MRPS35: variants seen among roughly 807,000 people sequenced by gnomAD.
MRPS35 encodes mitochondrial ribosomal protein S35.
MRPS35 carries 29 observed loss-of-function variants against 32.7 expected under a neutral mutation model. That is an observed-to-expected ratio of 0.89 (90% CI 0.66 to 1.21). MRPS35 has a LOEUF of 1.21. MRPS35 is among the 50% of genes most tolerant of loss of function. The pLI is 0.00. For synonymous variants in MRPS35, 148 were observed against 139.3 expected (o/e 1.06, Z -0.44); for missense variants, 373 against 383.8 (o/e 0.97, Z 0.23).
chr12:27,746,056 T>G (rs2061981184), intron 7 of MRPS35, among the ~76,000 whole-genome samples: 1 of 152,188 alleles, frequency 6.6e-6, no homozygotes, highest in Non-Finnish European at 1.5e-5. Context: ...AGCAGCATGA[T>G]TTATGTGGAA....
At chr12:27,742,383 A>AC (rs1272037841) in intron 7 of MRPS35, among the ~76,000 whole-genome samples, 1 of 151,890 alleles carries the variant, frequency 6.6e-6, no homozygotes, top group Non-Finnish European at 1.5e-5. Flanking sequence ...AAAATGAATG[A>AC]CCCCCTGCCT....
chr12:27,743,811 A>G (rs1271382757), intron 7 of MRPS35, among the ~76,000 whole-genome samples: 1 of 152,182 alleles, frequency 6.6e-6, no homozygotes, highest in East Asian at 1.9e-4. Flanking sequence ...GCATGGTTGC[A>G]TTAGGGTAAG....
chr12:27,715,693 G>T (rs558033798), intron 2 of MRPS35, among the ~76,000 whole-genome samples: 1 of 152,150 alleles, frequency 6.6e-6, no homozygotes, highest in Non-Finnish European at 1.5e-5. Flanking sequence ...TTGCGTAGGC[G>T]GGGCATGGCT....
intron 5 of MRPS35, among the ~76,000 whole-genome samples, chr12:27,728,272 C>G (rs76072019): frequency 0.044 from 6,667 of 152,148 alleles, 229 homozygotes; most frequent in Non-Finnish European, 0.074. Flanking sequence ...ACCAAATTCT[C>G]TTTTTTAAAT....
At chr12:27,751,988 C>A (rs2140786009) in intron 7 of MRPS35, among the ~76,000 whole-genome samples, 1 of 152,106 alleles carries the variant, frequency 6.6e-6, no homozygotes. Context: ...CCCTGTAATC[C>A]CAGCACCTTG....
chr12:27,723,965 A>G, intron 4 of MRPS35, 82 bp from the exon 5 acceptor site: 4 of 1,353,186 alleles, frequency 3.0e-6, no homozygotes, highest in African/African-American at 1.5e-5. Flanking sequence ...TGCTCTCAGT[A>G]ATTTGGTATT....
At chr12:27,752,839 A>G (rs1224162435) in intron 7 of MRPS35, 1 of 152,142 alleles carries the variant, frequency 6.6e-6, no homozygotes, top group Non-Finnish European at 1.5e-5. Context: ...TATTTGCAGC[A>G]GAGTTGTGGG....
chr12:27,718,094 A>G (rs1294284874), intron 3 of MRPS35, among the ~76,000 whole-genome samples: 1 of 152,160 alleles, frequency 6.6e-6, no homozygotes, highest in Non-Finnish European at 1.5e-5. Context: ...CCCATCCCCA[A>G]ATCCCAGTTT....
chr12:27,714,767 C>T lies in MRPS35; in HGVS notation c.113-13C>T. On this transcript the variant is annotated splice_polypyrimidine_tract_variant and intron_variant, in intron 1 of 7. Transcript: ENST00000081029. ...AAATTCTCTTTAACTACTGTGTTAT[C>T]TTTTACGTACAGCGGAAAGAACACC... The T allele has an allele frequency of 6.2e-7, 1 of 1,602,718 alleles. No individual in the cohort carries two copies. The highest frequency in any genetic ancestry group is 8.5e-7 in the Non-Finnish European group (1 of 1,171,578).
At chr12:27,738,650 C>T (rs2061951728) in intron 7 of MRPS35, among the ~76,000 whole-genome samples, 1 of 151,938 alleles carries the variant, frequency 6.6e-6, no homozygotes, top group Non-Finnish European at 1.5e-5. Flanking sequence ...GTGCCTTACC[C>T]AACACAGGGG....
chr12:27,752,175 A>C (rs1300801970), intron 7 of MRPS35, among the ~76,000 whole-genome samples: 1 of 152,146 alleles, frequency 6.6e-6, no homozygotes, highest in Non-Finnish European at 1.5e-5. Context: ...TCCTTTGAGC[A>C]CAGGAGTTGA....
At chr12:27,746,836 A>T (rs747152753) in intron 7 of MRPS35, among the ~76,000 whole-genome samples, 4 of 152,204 alleles carry the variant, frequency 2.6e-5, no homozygotes, top group Non-Finnish European at 5.9e-5. Flanking sequence ...GCTTTTAAAT[A>T]TCAGTTAAAG....
At chr12:27,735,840 G>C (rs1247021690) in intron 6 of MRPS35, among the ~76,000 whole-genome samples, 1 of 152,168 alleles carries the variant, frequency 6.6e-6, no homozygotes, top group Non-Finnish European at 1.5e-5. Context: ...AGAAAAAAGT[G>C]TGGTTTGCTA....
intron 7 of MRPS35, among the ~76,000 whole-genome samples, chr12:27,745,207 G>A (rs1433022007): frequency 6.6e-6 from 1 of 152,054 alleles, no homozygotes; most frequent in Non-Finnish European, 1.5e-5. Flanking sequence ...TTTTAAATTA[G>A]GGCTAACTTT....
At chr12:27,712,301 C>G (rs1225633285) in intron 1 of MRPS35, among the ~76,000 whole-genome samples, 1 of 152,166 alleles carries the variant, frequency 6.6e-6, no homozygotes, top group Non-Finnish European at 1.5e-5. Flanking sequence ...TATAAGACGT[C>G]AGAGAGTTAG....
rs1259726011 is a variant in MRPS35, at chr12:27,716,426, A to G, written c.289A>G (p.Met97Val). 17 of 1,614,046 alleles carry G rather than the reference A, an allele frequency of 1.1e-5. No individual in the cohort carries two copies. Among genetic ancestry groups the G allele is most frequent in the African/African-American group, 1.3e-5 (1 of 74,920 alleles). ...MGYPVKKGVPMAKEGNLELLK... is the reference protein window; with the variant it reads ...MGYPVKKGVPVAKEGNLELLK... ...TTATCCAGTAAAAAAGGGCGTGCCC[A>G]TGGCAAAGGAGGGAAATCTAGAACT... is the stretch of plus-strand genomic sequence containing the variant. The change falls in exon 3 of 8, where the codon ATG (methionine) becomes GTG (valine). Residue 97 changes from methionine to valine, a missense_variant. Physicochemically the swap from Met to Val is conservative, Grantham distance 21. Transcript: ENST00000081029.
At chr12:27,748,054 A>G (rs2061987188) in intron 7 of MRPS35, among the ~76,000 whole-genome samples, 1 of 152,224 alleles carries the variant, frequency 6.6e-6, no homozygotes, top group Non-Finnish European at 1.5e-5. Flanking sequence ...CACTTAGAAT[A>G]GTGCCTGGCA....
chr12:27,714,460 C>T (rs934719021), intron 1 of MRPS35, among the ~76,000 whole-genome samples: 1 of 151,794 alleles, frequency 6.6e-6, no homozygotes, highest in Non-Finnish European at 1.5e-5. Context: ...GTGGGGTGTA[C>T]TGGTAGTCGC....
chr12:27,755,424 G>T lies in MRPS35; in HGVS notation c.946G>T (p.Val316Leu), dbSNP rs746763179. ...TTCCATTTCTCAGTACAAAGAATCC[G>T]TGAAGAGACTATTAAATGTGACATG... ...ENSISQYKES[V>L]KRLLNVT The change falls in exon 8 of 8, where the codon GTG becomes TTG. Residue 316 changes from valine (V) to leucine (L), a missense_variant. Physicochemically the swap from Val to Leu is conservative, Grantham distance 32 (BLOSUM62 1). Transcript: ENST00000081029. 1 of 1,576,006 alleles carries T rather than the reference G, an allele frequency of 6.3e-7. No individual in the cohort carries two copies. Among genetic ancestry groups the T allele is most frequent in the African/African-American group, 1.4e-5 (1 of 72,622 alleles).
Sources: allele counts gnomAD v4.1 joint callset (sites outside exome capture counted in the v4.1 genomes callset), GRCh38; gene constraint gnomAD v4.1.1; transcripts MANE v1.5; gene names NCBI Gene and HGNC (gene_info 2026-07-23, HGNC 2026-07-21).